ZNF532: variants seen among roughly 807,000 people sequenced by gnomAD.
The protein encoded by ZNF532 is zinc finger protein 532.
ZNF532 carries 22 observed loss-of-function variants against 89.3 expected under a neutral mutation model. That is an observed-to-expected ratio of 0.25 (90% CI 0.18 to 0.35). The LOEUF is 0.35. Among genes scored for constraint, ZNF532 ranks in the 10% least tolerant of loss-of-function variants. The pLI, the probability that ZNF532 is intolerant of heterozygous loss-of-function variation, is 1.00. For synonymous variants in ZNF532, 606 were observed against 649.6 expected (o/e 0.93, Z 1.02); for missense variants, 1,132 against 1,643.4 (o/e 0.69, Z 5.38).
chr18:58,906,437 G>T (rs1267131116), intron 2 of ZNF532, among the ~76,000 whole-genome samples: 1 of 151,098 alleles, frequency 6.6e-6, no homozygotes, highest in Non-Finnish European at 1.5e-5. Context: ...TGTTTTTTTT[G>T]GAGGCAGGGG....
chr18:58,900,023 C>T (rs920911540), intron 2 of ZNF532, among the ~76,000 whole-genome samples: 7 of 152,262 alleles, frequency 4.6e-5, no homozygotes, highest in African/African-American at 1.7e-4. Context: ...TTCTTCCTCT[C>T]CTTGTAGCAT....
intron 2 of ZNF532, among the ~76,000 whole-genome samples, chr18:58,866,993 G>C (rs1317459457): frequency 6.6e-6 from 1 of 152,264 alleles, no homozygotes; most frequent in Non-Finnish European, 1.5e-5. Context: ...CTGTGTATGA[G>C]TGTGGCAGGA....
At chr18:58,966,541 G>C (rs1345896627) in intron 7 of ZNF532, among the ~76,000 whole-genome samples, 1 of 152,038 alleles carries the variant, frequency 6.6e-6, no homozygotes, top group Admixed American at 6.6e-5. Context: ...CATAAGGTTT[G>C]CCCTCTAAAT....
intron 2 of ZNF532, among the ~76,000 whole-genome samples, chr18:58,916,967 T>C (rs976872400): frequency 1.3e-5 from 2 of 152,154 alleles, no homozygotes; most frequent in Non-Finnish European, 2.9e-5. Context: ...GGAAGGATAA[T>C]GACACAGCAA....
At chr18:58,981,403 CGTGAGTTCTTCCACAGGAGCTTA>C in intron 8 of ZNF532, 44 bp from the exon 9 acceptor site, 1 of 1,568,334 alleles carries the variant, frequency 6.4e-7, no homozygotes, top group South Asian at 1.2e-5. Flanking sequence ...GACCTTCGAC[CGTGAGTTCTTCCACAGGAGCTTA>C]TTTTGTCAGC....
chr18:58,959,757 A>G (rs558672233), intron 7 of ZNF532, among the ~76,000 whole-genome samples: 1 of 152,306 alleles, frequency 6.6e-6, no homozygotes, highest in East Asian at 1.9e-4. Context: ...AGTCTTTTTA[A>G]ATTAAATAAA....
chr18:58,906,695 A>G (rs909495158), intron 2 of ZNF532, among the ~76,000 whole-genome samples: 1 of 152,142 alleles, frequency 6.6e-6, no homozygotes, highest in African/African-American at 2.4e-5. Context: ...TTTGCCATAG[A>G]TTGCCCAGCT....
rs2063967899 is a variant in ZNF532, at chr18:58,949,569, G to C, written c.2868+1340G>C. Among the ~76,000 whole-genome samples, 4 of 152,270 alleles carry C rather than the reference G, an allele frequency of 2.6e-5. No homozygotes were observed. In the South Asian group the frequency reaches 8.3e-4, roughly 32 times the overall value. Reference sequence around the variant, plus strand: ...TACATGCCTGTAATCCTAGCTACTTGGGAGGCTGAGGCAGGAGAATCACTT... The same window carrying C: ...TACATGCCTGTAATCCTAGCTACTTCGGAGGCTGAGGCAGGAGAATCACTT... On this transcript the variant is annotated intron_variant, in intron 6 of 9. Coordinates refer to ENST00000591808, the MANE Select transcript of ZNF532 (RefSeq NM_001375912.1).
intron 2 of ZNF532, among the ~76,000 whole-genome samples, chr18:58,900,494 C>G (rs1429378814): frequency 6.6e-6 from 1 of 152,194 alleles, no homozygotes; most frequent in Non-Finnish European, 1.5e-5. Flanking sequence ...TAGCCCTGCC[C>G]TGCTCCCTGC....
intron 2 of ZNF532, among the ~76,000 whole-genome samples, chr18:58,909,257 T>C (rs2060128428): frequency 6.6e-6 from 1 of 152,190 alleles, no homozygotes; most frequent in African/African-American, 2.4e-5. Flanking sequence ...CCAGCCTGCC[T>C]GAAGATTTTT....
At chr18:58,888,839 ATTT>A (rs2058620496) in intron 2 of ZNF532, among the ~76,000 whole-genome samples, 1 of 46,744 alleles carries the variant, frequency 2.1e-5, no homozygotes, top group Non-Finnish European at 3.3e-5. Flanking sequence ...TATATATATA[ATTT>A]ATATATATAT....
intron 2 of ZNF532, among the ~76,000 whole-genome samples, chr18:58,889,955 C>T (rs1424902692): frequency 6.6e-6 from 1 of 151,670 alleles, no homozygotes; most frequent in African/African-American, 2.4e-5. Flanking sequence ...GTGGCATGCA[C>T]CTGTATAGTC....
At chr18:58,864,005 A>C (rs2056205138), upstream of ZNF532, 1 of 151,778 alleles carries the variant, frequency 6.6e-6, no homozygotes, top group Admixed American at 6.6e-5. Flanking sequence ...GCCGAGGAGG[A>C]ACCGCCCGGG....
intron 5 of ZNF532, chr18:58,939,924 C>T (rs1320206591): frequency 3.1e-5 from 6 of 191,364 alleles, no homozygotes; most frequent in Admixed American, 5.6e-5. Flanking sequence ...ACAAGAGTCT[C>T]GCTCTGTCGC....
intron 2 of ZNF532, among the ~76,000 whole-genome samples, chr18:58,901,847 C>G (rs886781359): frequency 6.6e-6 from 1 of 152,192 alleles, no homozygotes; most frequent in African/African-American, 2.4e-5. Flanking sequence ...CCTGCTCTCA[C>G]AGCCTGCCTG....
chr18:58,965,228 C>T (rs982983397), intron 7 of ZNF532, among the ~76,000 whole-genome samples: 2 of 152,078 alleles, frequency 1.3e-5, no homozygotes, highest in Non-Finnish European at 2.9e-5. Context: ...ATTTTGGTAG[C>T]TTGTGGCTAA....
rs1174553244 is a variant in ZNF532, at chr18:58,888,739, T to TG, written c.-18+23160_-18+23161insG. 6.4e-5 allele frequency among the ~76,000 whole-genome samples: 3 copies of TG among 46,854 alleles called. No individual in the cohort carries two copies. The East Asian group carries it at 5.0e-3, about 78-fold the overall frequency. The allele number at this position is 46,854 out of a possible 152,430, so 30.7% of individuals were successfully genotyped here. The stretch of plus-strand genomic sequence containing the variant: ...TATATATATATAAATTATATATATA[T>TG]ATTTTATATATATATAAAATTAATA... On this transcript the variant is annotated intron_variant, in intron 2 of 9. Transcript: ENST00000591808.
chr18:58,950,562 A>G (rs2064063127), intron 6 of ZNF532, among the ~76,000 whole-genome samples: 1 of 152,118 alleles, frequency 6.6e-6, no homozygotes, highest in African/African-American at 2.4e-5. Flanking sequence ...TGAGGAAGGA[A>G]GAGGAAGTGG....
chr18:58,883,199 GTTTTCTGT>G (rs1435684949), intron 2 of ZNF532, among the ~76,000 whole-genome samples: 1 of 151,934 alleles, frequency 6.6e-6, no homozygotes, highest in Non-Finnish European at 1.5e-5. Context: ...TTTTTTTCCT[GTTTTCTGT>G]TTACTCCAGG....
Sources: gnomAD v4.1 joint callset for allele counts (sites outside exome capture counted in the v4.1 genomes callset) on GRCh38, gnomAD v4.1.1 for gene constraint, MANE v1.5 for transcripts, NCBI Gene and HGNC (gene_info 2026-07-23, HGNC 2026-07-21) for gene names.